The following LUZP2 variants were observed in gnomAD, a reference collection of about 807,000 sequenced individuals.
The protein encoded by LUZP2 is leucine zipper protein 2.
In LUZP2, 52 loss-of-function variants were observed where a neutral mutation model predicts 51.6. The ratio of observed to expected loss-of-function variants is 1.01; its 90% CI spans 0.81 to 1.27. The LOEUF is 1.27. LUZP2 is among the 50% of genes most tolerant of loss of function. The pLI, the probability that LUZP2 is intolerant of heterozygous loss-of-function variation, is 0.00. For missense variants in LUZP2, 436 were observed against 395.4 expected, an observed-to-expected ratio of 1.10 and a Z score of -0.87; for synonymous variants, 154 against 137.3, an observed-to-expected ratio of 1.12 and a Z score of -0.85.
At chr11:24,930,239 A>G (rs554732264) in intron 7 of LUZP2, among the ~76,000 whole-genome samples, 2 of 152,216 alleles carry the variant, frequency 1.3e-5, no homozygotes, top group South Asian at 2.1e-4. Flanking sequence ...CAATGTTACT[A>G]TTGAGATGTG....
intron 10 of LUZP2, among the ~76,000 whole-genome samples, chr11:25,073,953 A>C (rs1859230777): frequency 6.6e-6 from 1 of 152,220 alleles, no homozygotes. Context: ...TTACAGCCAA[A>C]GAACCCGAAG....
intron 5 of LUZP2, among the ~76,000 whole-genome samples, chr11:24,806,087 A>G (rs1194288351): frequency 6.6e-6 from 1 of 152,182 alleles, no homozygotes; most frequent in Non-Finnish European, 1.5e-5. Context: ...GTAAAAGTAC[A>G]TTATGTTGAT....
intron 4 of LUZP2, among the ~76,000 whole-genome samples, chr11:24,753,577 C>T (rs1303300901): frequency 6.6e-6 from 1 of 152,124 alleles, no homozygotes; most frequent in African/African-American, 2.4e-5. Flanking sequence ...ATGAATTTCC[C>T]AATCAGATAC....
At chr11:24,949,322 A>C (rs777746622) in intron 7 of LUZP2, among the ~76,000 whole-genome samples, 2 of 70,130 alleles carry the variant, frequency 2.9e-5, no homozygotes, top group South Asian at 4.4e-4. Flanking sequence ...CTATCTATCT[A>C]TCTATCTATC....
chr11:24,787,472 G>T (rs1387905587), intron 5 of LUZP2, among the ~76,000 whole-genome samples: 2 of 151,992 alleles, frequency 1.3e-5, no homozygotes, highest in African/African-American at 4.8e-5. Context: ...TATTATCATT[G>T]GTAATTAATA....
At chr11:24,690,396 A>G (rs1320727456) in intron 1 of LUZP2, among the ~76,000 whole-genome samples, 3 of 152,078 alleles carry the variant, frequency 2.0e-5, no homozygotes, top group Admixed American at 2.0e-4. Context: ...ATAGAAGGTG[A>G]TTTCCAGGGA....
chr11:24,599,865 A>T (rs1021864324), intron 1 of LUZP2, among the ~76,000 whole-genome samples: 4 of 152,138 alleles, frequency 2.6e-5, no homozygotes, highest in Admixed American at 6.6e-5. Context: ...GTAACATTGC[A>T]ATTTTTCACG....
At chr11:24,700,602 C>A (rs956756929) in intron 1 of LUZP2, among the ~76,000 whole-genome samples, 1 of 151,880 alleles carries the variant, frequency 6.6e-6, no homozygotes, top group Non-Finnish European at 1.5e-5. Flanking sequence ...AATGCTATAT[C>A]CCCCAAACTT....
At chr11:25,018,548 G>A (rs182379241) in intron 9 of LUZP2, among the ~76,000 whole-genome samples, 1 of 147,022 alleles carries the variant, frequency 6.8e-6, no homozygotes. Flanking sequence ...TGGACTTATA[G>A]TTACTTTTAG....
At chr11:25,055,011 CTTTTTTT>C (rs71044332) in intron 10 of LUZP2, among the ~76,000 whole-genome samples, 1 of 79,022 alleles carries the variant, frequency 1.3e-5, no homozygotes, top group South Asian at 4.3e-4. Context: ...TTTTTCTTTT[CTTTTTTT>C]TTTTTTTTTT....
chr11:24,626,259 G>C (rs980133462), intron 1 of LUZP2, among the ~76,000 whole-genome samples: 1 of 152,102 alleles, frequency 6.6e-6, no homozygotes, highest in African/African-American at 2.4e-5. Flanking sequence ...CCAAGGCAAG[G>C]AGTATCAGGG....
intron 7 of LUZP2, among the ~76,000 whole-genome samples, chr11:24,938,391 T>C (rs950370950): frequency 2.6e-5 from 4 of 152,194 alleles, no homozygotes; most frequent in Non-Finnish European, 5.9e-5. Flanking sequence ...CTTTAACATA[T>C]ATATCATTTG....
At chr11:24,999,253 C>A (rs1211856440) in intron 9 of LUZP2, among the ~76,000 whole-genome samples, 1 of 151,782 alleles carries the variant, frequency 6.6e-6, no homozygotes, top group Admixed American at 6.6e-5. Context: ...TAAAAACCAG[C>A]AGAAATGATA....
At chr11:24,673,200 A>T (rs1446711828) in intron 1 of LUZP2, among the ~76,000 whole-genome samples, 1 of 152,196 alleles carries the variant, frequency 6.6e-6, no homozygotes, top group Non-Finnish European at 1.5e-5. Flanking sequence ...CATGATGATA[A>T]GTATTTGTGA....
intron 1 of LUZP2, among the ~76,000 whole-genome samples, chr11:24,623,203 C>T (rs1422953387): frequency 1.3e-5 from 2 of 151,900 alleles, no homozygotes; most frequent in African/African-American, 4.8e-5. Context: ...AAAAGTCCCA[C>T]CACATTCTCA....
chr11:25,033,632 G>T (rs979791084), intron 9 of LUZP2, among the ~76,000 whole-genome samples: 19 of 152,050 alleles, frequency 1.2e-4, no homozygotes, highest in African/African-American at 4.3e-4. Context: ...ATGTCCATGT[G>T]TGCTCAGTGG....
At chr11:24,671,363 C>A (rs1856397229) in intron 1 of LUZP2, among the ~76,000 whole-genome samples, 1 of 151,784 alleles carries the variant, frequency 6.6e-6, no homozygotes. Flanking sequence ...GTCATAGCTG[C>A]CATTTTATTG....
At chr11:24,900,113 T>C (rs946692411) in intron 5 of LUZP2, among the ~76,000 whole-genome samples, 1 of 152,174 alleles carries the variant, frequency 6.6e-6, no homozygotes, top group African/African-American at 2.4e-5. Context: ...ATTTCGAATG[T>C]ATACTGAATT....
chr11:24,879,536 C>T (rs1384935221), intron 5 of LUZP2, among the ~76,000 whole-genome samples: 2 of 152,164 alleles, frequency 1.3e-5, no homozygotes, highest in Non-Finnish European at 2.9e-5. Context: ...TTCCCACCAG[C>T]CATGTAAAAG....
Sources: gnomAD v4.1 joint callset for allele counts (sites outside exome capture counted in the v4.1 genomes callset) on GRCh38, gnomAD v4.1.1 for gene constraint, MANE v1.5 for transcripts, NCBI Gene and HGNC (gene_info 2026-07-23, HGNC 2026-07-21) for gene names.